Variants in NCOA2 observed in about 807,000 individuals in gnomAD.
NCOA2 encodes nuclear receptor coactivator 2, also known as class E basic helix-loop-helix protein 75.
A neutral mutation model predicts 145.1 loss-of-function variants in NCOA2; 21 were observed. That is an observed-to-expected ratio of 0.14 (90% confidence interval 0.10 to 0.21). NCOA2 has a LOEUF of 0.21. Ranked by LOEUF, NCOA2 falls within the 10% of genes least tolerant of loss-of-function variation. NCOA2 has a pLI of 1.00. For synonymous variants in NCOA2, 619 were observed against 637.5 expected, an observed-to-expected ratio of 0.97 and a Z score of 0.44; for missense variants, 1,472 against 1,837.6, an observed-to-expected ratio of 0.80 and a Z score of 3.64.
intron 6 of NCOA2, among the ~76,000 whole-genome samples, chr8:70,169,327 C>T (rs961618482): frequency 6.6e-6 from 1 of 152,156 alleles, no homozygotes; most frequent in Non-Finnish European, 1.5e-5. Flanking sequence ...GCTAAGGCAG[C>T]GGCATCTGGT....
intron 6 of NCOA2, among the ~76,000 whole-genome samples, chr8:70,167,411 C>G (rs1467521028): frequency 6.6e-6 from 1 of 152,162 alleles, no homozygotes; most frequent in Admixed American, 6.5e-5. Flanking sequence ...GCCACCCTAT[C>G]TGACATATCA....
chr8:70,297,792 C>T (rs866098709), intron 1 of NCOA2, among the ~76,000 whole-genome samples: 17 of 152,306 alleles, frequency 1.1e-4, no homozygotes, highest in African/African-American at 3.4e-4. Flanking sequence ...CAAAGTGCTT[C>T]GCTGTAAATG....
At chr8:70,251,540 TC>T (rs1823179126) in intron 2 of NCOA2, among the ~76,000 whole-genome samples, 1 of 152,236 alleles carries the variant, frequency 6.6e-6, no homozygotes, top group Non-Finnish European at 1.5e-5. Context: ...ATGTATTTAC[TC>T]CTTGAAGTCA....
At chr8:70,272,975 C>T (rs529697815) in intron 2 of NCOA2, among the ~76,000 whole-genome samples, 2 of 152,170 alleles carry the variant, frequency 1.3e-5, no homozygotes, top group South Asian at 4.2e-4. Context: ...CCAAATTATA[C>T]ATTGTATGTA....
intron 1 of NCOA2, among the ~76,000 whole-genome samples, chr8:70,357,627 G>C (rs531787264): frequency 6.6e-6 from 1 of 152,274 alleles, no homozygotes; most frequent in East Asian, 1.9e-4. Context: ...TGTAGTCCCA[G>C]CTACTAGTGA....
intron 1 of NCOA2, among the ~76,000 whole-genome samples, chr8:70,301,715 C>T (rs1230466318): frequency 7.3e-6 from 1 of 136,714 alleles, no homozygotes; most frequent in Non-Finnish European, 1.6e-5. Context: ...ACAACCAAGT[C>T]AATTTTTTCA....
intron 1 of NCOA2, among the ~76,000 whole-genome samples, chr8:70,309,944 C>A (rs946268220): frequency 1.3e-5 from 2 of 151,794 alleles, no homozygotes; most frequent in Non-Finnish European, 2.9e-5. Context: ...CAGAGCAAGA[C>A]CCTGTCTCGA....
chr8:70,233,834 C>G (rs998038351), intron 2 of NCOA2, among the ~76,000 whole-genome samples: 2 of 152,108 alleles, frequency 1.3e-5, no homozygotes, highest in African/African-American at 4.8e-5. Context: ...TCATTCATCT[C>G]TATTTTAAAA....
chr8:70,251,182 C>A (rs188850432), intron 2 of NCOA2, among the ~76,000 whole-genome samples: 67 of 152,164 alleles, frequency 4.4e-4, no homozygotes, highest in Non-Finnish European at 8.5e-4. Flanking sequence ...GAAAATGAGC[C>A]TTAGAAAAGG....
intron 1 of NCOA2, among the ~76,000 whole-genome samples, chr8:70,363,256 G>A (rs1035234807): frequency 5.3e-5 from 8 of 151,532 alleles, no homozygotes; most frequent in South Asian, 2.1e-4. Flanking sequence ...GGTGGCGGGC[G>A]CCTGTAGTCC....
rs80037606 is a variant in NCOA2, at chr8:70,285,506, T to C, written c.-20+11238A>G. Among the ~76,000 whole-genome samples the C allele has an allele frequency of 3.9e-5, 6 of 152,362 alleles. No individual in the cohort carries two copies. The East Asian group carries it at 5.8e-4, about 15-fold the overall frequency. On this transcript the variant is annotated intron_variant, in intron 2 of 22. Transcript: ENST00000452400. ...AATAGATGGCAGGTTGTAGCCTTCA[T>C]AGCAAGATACGCACATGGCGAAGAA...
chr8:70,130,493 T>C (rs1342780728), intron 16 of NCOA2, among the ~76,000 whole-genome samples: 1 of 152,216 alleles, frequency 6.6e-6, no homozygotes, highest in Non-Finnish European at 1.5e-5. Context: ...TAACTATCAC[T>C]GAAGACAAAG....
intron 2 of NCOA2, among the ~76,000 whole-genome samples, chr8:70,254,654 G>A (rs1300305777): frequency 7.2e-6 from 1 of 138,366 alleles, no homozygotes; most frequent in African/African-American, 2.6e-5. Flanking sequence ...AAATCTTTAA[G>A]TAGCTACAGC....
rs72265721 is a variant in NCOA2 at position 70,337,200 on chromosome 8, A to AGTGTGTGTGTGTGT, written c.-76-40414_-76-40401dup. Among the ~76,000 whole-genome samples, 555 of 146,322 alleles carry AGTGTGTGTGTGTGT rather than the reference A, an allele frequency of 3.8e-3. 4 individuals carry two copies. The highest frequency in any genetic ancestry group is 0.013 in the African/African-American group (535 of 40,330). ...TTTAGCCTACCCAGCACTGCTGAGG[A>AGTGTGTGTGTGTGT]GTGTGTGTGTGTGTGTGTGTGTGTG... On this transcript the variant is annotated intron_variant, in intron 1 of 22. Transcript: ENST00000452400.
chr8:70,418,723 A>G, the NCOA2 span, among the ~76,000 whole-genome samples: 1 of 152,196 alleles, frequency 6.6e-6, no homozygotes, highest in Non-Finnish European at 1.5e-5. Flanking sequence ...CTTCTGTGAA[A>G]ACTACTATTA....
intron 21 of NCOA2, among the ~76,000 whole-genome samples, chr8:70,122,151 C>G (rs1378736053): frequency 6.6e-6 from 1 of 152,166 alleles, no homozygotes; most frequent in African/African-American, 2.4e-5. Context: ...CCTCAGCAAG[C>G]AAATTAGGAG....
At chr8:70,210,269 C>G (rs908284504) in intron 4 of NCOA2, among the ~76,000 whole-genome samples, 1 of 152,164 alleles carries the variant, frequency 6.6e-6, no homozygotes, top group African/African-American at 2.4e-5. Context: ...GCCTGACACA[C>G]AGTAAGAACT....
At chr8:70,287,729 G>T (rs1240197492) in intron 2 of NCOA2, among the ~76,000 whole-genome samples, 1 of 152,128 alleles carries the variant, frequency 6.6e-6, no homozygotes, top group African/African-American at 2.4e-5. Context: ...TATCATGTCT[G>T]ATAAAATAGG....
At chr8:70,197,596 C>G (rs142240779) in intron 4 of NCOA2, among the ~76,000 whole-genome samples, 122 of 152,276 alleles carry the variant, frequency 8.0e-4, no homozygotes, top group Non-Finnish European at 1.4e-3. Flanking sequence ...GATATCTGGC[C>G]AATGTGTCCT....
Sources: gnomAD v4.1 joint callset for allele counts (sites outside exome capture counted in the v4.1 genomes callset) on GRCh38, gnomAD v4.1.1 for gene constraint, MANE v1.5 for transcripts, NCBI Gene and HGNC (gene_info 2026-07-23, HGNC 2026-07-21) for gene names.